The following AOPEP variants were observed in gnomAD, a reference collection of about 807,000 sequenced individuals.
The protein encoded by AOPEP is aminopeptidase O.
AOPEP carries 77 observed loss-of-function variants against 98.1 expected under a neutral mutation model. The ratio of observed to expected loss-of-function variants is 0.78; its 90% CI spans 0.65 to 0.95. The LOEUF (loss-of-function observed/expected upper bound fraction) is 0.95. Among genes scored for constraint, AOPEP ranks in the 40% least tolerant of loss-of-function variants. The pLI is 0.00. For missense variants in AOPEP, 1,024 were observed against 1,024.7 expected (o/e 1.00, Z 0.01); for synonymous variants, 346 against 365.3 (o/e 0.95, Z 0.60).
chr9:94,772,587 TTAA>T (rs1191984698), intron 2 of AOPEP, among the ~76,000 whole-genome samples: 1 of 152,198 alleles, frequency 6.6e-6, no homozygotes, highest in Non-Finnish European at 1.5e-5. Context: ...TTTCCAAGCA[TTAA>T]TATCTCAGTG....
chr9:94,990,611 TTTAATTAA>T (rs139232680), intron 11 of AOPEP, among the ~76,000 whole-genome samples: 5,419 of 149,950 alleles, frequency 0.036, 214 homozygotes, highest in East Asian at 0.11. Context: ...GATTATTTAA[TTTAATTAA>T]TTAATTAATT....
chr9:94,775,567 A>G (rs1418859418), intron 3 of AOPEP, among the ~76,000 whole-genome samples: 3 of 152,162 alleles, frequency 2.0e-5, no homozygotes, highest in African/African-American at 7.2e-5. Flanking sequence ...GGGTTTCACC[A>G]TGTTGGCCAG....
the AOPEP span, chr9:95,111,570 C>T: frequency 6.2e-7 from 1 of 1,614,190 alleles, no homozygotes; most frequent in Non-Finnish European, 8.5e-7. Flanking sequence ...AATTGCTCTG[C>T]CACCATCTCA....
intron 2 of AOPEP, among the ~76,000 whole-genome samples, chr9:94,765,758 C>T (rs188761802): frequency 9.2e-5 from 14 of 152,024 alleles, no homozygotes; most frequent in African/African-American, 3.1e-4. Context: ...GAATGATTAC[C>T]AATAATTTTA....
At chr9:94,767,843 T>C (rs767243221) in intron 2 of AOPEP, among the ~76,000 whole-genome samples, 1 of 152,326 alleles carries the variant, frequency 6.6e-6, no homozygotes, top group Non-Finnish European at 1.5e-5. Context: ...GTATTCAGTA[T>C]GATTGATGAA....
At chr9:95,037,057 A>T (rs1188871382) in intron 13 of AOPEP, among the ~76,000 whole-genome samples, 1 of 152,238 alleles carries the variant, frequency 6.6e-6, no homozygotes, top group Non-Finnish European at 1.5e-5. Context: ...CCACAGATGT[A>T]TGAGCTGTCT....
chr9:95,005,947 C>T, intron 13 of AOPEP: 1 of 494,350 alleles, frequency 2.0e-6, no homozygotes, highest in South Asian at 1.6e-5. Context: ...AAAAGTGTTC[C>T]GAATAAATCG....
chr9:94,804,959 G>C (rs1006305697), intron 5 of AOPEP, among the ~76,000 whole-genome samples: 2 of 152,158 alleles, frequency 1.3e-5, no homozygotes, highest in Admixed American at 1.3e-4. Flanking sequence ...AAGCACTCCG[G>C]TCCACAGGCC....
intron 4 of AOPEP, among the ~76,000 whole-genome samples, chr9:94,797,867 T>C (rs1164626153): frequency 2.0e-5 from 3 of 151,992 alleles, no homozygotes; most frequent in Non-Finnish European, 4.4e-5. Flanking sequence ...CACACTCGGC[T>C]AATTTTTTTG....
the AOPEP span, chr9:95,101,698 G>C: frequency 6.2e-7 from 1 of 1,613,660 alleles, no homozygotes; most frequent in Non-Finnish European, 8.5e-7. Context: ...CACACGGCCT[G>C]CGTGCCTTCT....
chr9:94,998,060 A>G (rs757588475), intron 11 of AOPEP, among the ~76,000 whole-genome samples: 56 of 152,226 alleles, frequency 3.7e-4, no homozygotes, highest in Non-Finnish European at 6.9e-4. Flanking sequence ...TGCAGTTGTA[A>G]CAGGCATTGA....
chr9:94,781,753 G>A (rs983495623), intron 3 of AOPEP, among the ~76,000 whole-genome samples: 37 of 150,804 alleles, frequency 2.5e-4, no homozygotes, highest in African/African-American at 9.0e-4. Context: ...GCAGAGACGG[G>A]GTTTCACCGT....
At chr9:95,144,147 C>T in the AOPEP span, among the ~76,000 whole-genome samples, 4 of 151,926 alleles carry the variant, frequency 2.6e-5, no homozygotes, top group African/African-American at 7.3e-5. Flanking sequence ...GGGGGCTGGG[C>T]GCGGCTGGTA....
intron 11 of AOPEP, chr9:95,004,295 A>G (rs1194089730): frequency 2.2e-6 from 1 of 456,626 alleles, no homozygotes. Context: ...AAGTAAGTGT[A>G]AACTTTCTCC....
intron 13 of AOPEP, among the ~76,000 whole-genome samples, chr9:95,013,576 T>C (rs1465565706): frequency 2.0e-5 from 3 of 152,188 alleles, no homozygotes; most frequent in Admixed American, 6.5e-5. Flanking sequence ...TCACTTAAGT[T>C]TTAATTCTGT....
intron 7 of AOPEP, among the ~76,000 whole-genome samples, chr9:94,943,943 A>C (rs949287047): frequency 4.6e-5 from 7 of 151,510 alleles, no homozygotes; most frequent in Admixed American, 2.0e-4. Flanking sequence ...AAAAAAAAAA[A>C]AAAACAGGTC....
At chr9:94,842,787 TA>T (rs930907516) in intron 5 of AOPEP, among the ~76,000 whole-genome samples, 2 of 151,970 alleles carry the variant, frequency 1.3e-5, no homozygotes, top group African/African-American at 4.8e-5. Context: ...ACCATCTCAA[TA>T]AAAATTAATA....
At chr9:94,774,532 T>C (rs1017809961) in intron 3 of AOPEP, among the ~76,000 whole-genome samples, 1 of 152,140 alleles carries the variant, frequency 6.6e-6, no homozygotes, top group Non-Finnish European at 1.5e-5. Context: ...CTTTTTCACT[T>C]ATAGTGTATC....
downstream of AOPEP, among the ~76,000 whole-genome samples, chr9:95,091,012 G>T (rs949381755): frequency 6.6e-6 from 1 of 152,118 alleles, no homozygotes; most frequent in Non-Finnish European, 1.5e-5. Flanking sequence ...CCTCCACCTC[G>T]ATTCAGCCTG....
Sources: gnomAD v4.1 joint callset for allele counts (sites outside exome capture counted in the v4.1 genomes callset) on GRCh38, gnomAD v4.1.1 for gene constraint, MANE v1.5 for transcripts, NCBI Gene and HGNC (gene_info 2026-07-23, HGNC 2026-07-21) for gene names.